DMRT2: variants seen among roughly 807,000 people sequenced by gnomAD.
DMRT2 encodes the protein doublesex and mab-3 related transcription factor 2.
Under a neutral mutation model 43.5 loss-of-function variants are expected in DMRT2, and 33 were observed. That is an observed-to-expected ratio of 0.76 (90% CI 0.58 to 1.01). The LOEUF is 1.01. Ranked by LOEUF, DMRT2 falls within the 50% of genes least tolerant of loss-of-function variation. The probability of loss-of-function intolerance (pLI) is 0.00; values close to 1 mark genes in which losing one functional copy is unlikely to be tolerated. For missense variants in DMRT2, 1,064 were observed against 748.0 expected (o/e 1.42, Z -4.93); for synonymous variants, 395 against 309.2 (o/e 1.28, Z -2.91).
At position 1,051,901 on chromosome 9, in the gene DMRT2, C is replaced by T. The variant is rs886670050; in HGVS notation, c.288C>T (p.Pro96=). Residue 96 remains proline (P), a synonymous_variant, in exon 2 of 4, where the codon CCC becomes CCT. Coordinates refer to ENST00000358146, the MANE Select transcript of DMRT2 (RefSeq NM_181872.6). This position sits in a 1 kb window ranked among gnomAD's most constrained non-coding sequence, Gnocchi z 5.9. ...CGCCGCTCGCGCCTCAGGCCTCACC[C>T]GCCGGCACCGGTCCCCGAGAGCGCT... ...PRPPLAPQAS[P]AGTGPRERCT... is the part of the protein sequence containing the mutation. 7.3e-6 allele frequency: 10 copies of T among 1,362,902 alleles called. No homozygotes were observed. Among genetic ancestry groups the T allele is most frequent in the Non-Finnish European group, 9.4e-6 (10 of 1,068,400 alleles). The allele number at this position is 1,362,902 out of a possible 1,614,324, so 84.4% of individuals were successfully genotyped here. A position where few individuals can be genotyped will look rare whatever the true frequency, so the allele number is the denominator to read the frequency against.
chr9:1,055,979 A>G (rs778355444), intron 3 of DMRT2: 5 of 1,407,902 alleles, frequency 3.6e-6, no homozygotes, highest in South Asian at 1.8e-5. Context: ...AACAACCACA[A>G]CAAGCAACAA....
rs1821502416 is a variant in DMRT2 at position 1,050,644 on chromosome 9, A to G, written c.-176A>G. The stretch of plus-strand genomic sequence containing the variant: ...GTGGGTTCGTTCCGGGCCTCCAGCT[A>G]TCAGCTCCCGATCTCGTGTTTGAGG... On this transcript the variant is annotated 5_prime_UTR_variant, in exon 1 of 4. Coordinates refer to ENST00000358146, the MANE Select transcript of DMRT2 (RefSeq NM_181872.6). 1 of 152,498 alleles carries G rather than the reference A, an allele frequency of 6.6e-6. No individual in the cohort carries two copies. Among genetic ancestry groups the G allele is most frequent in the Admixed American group, 6.5e-5 (1 of 15,294 alleles). 9.4% of individuals were successfully genotyped at this position (152,498 alleles called of 1,614,324 possible).
chr9:1,054,976 G>T (rs1477378974), intron 3 of DMRT2, among the ~76,000 whole-genome samples: 1 of 152,144 alleles, frequency 6.6e-6, no homozygotes, highest in Admixed American at 6.6e-5. Flanking sequence ...GTTTGTGTGT[G>T]TCCTATCATG....
intron 3 of DMRT2, chr9:1,055,880 G>T: frequency 6.7e-7 from 1 of 1,503,302 alleles, no homozygotes; most frequent in Non-Finnish European, 8.8e-7. Flanking sequence ...AAATAGTCTT[G>T]TCTCTTAATG....
chr9:1,056,681 C>T lies in DMRT2; in HGVS notation c.1094C>T (p.Thr365Ile), dbSNP rs1822014165. ...LYQQCLLNATTSVQALKPGAS... is the reference protein window; with the variant it reads ...LYQQCLLNATISVQALKPGAS... ...CAGCAATGCCTGCTAAATGCCACCA[C>T]CTCAGTTCAAGCCCTGAAGCCTGGG... is the stretch of plus-strand genomic sequence containing the variant. The change falls in exon 4 of 4, where the codon ACC becomes ATC. Residue 365 changes from threonine (T) to isoleucine (I), a missense_variant. By Grantham distance (89) the Thr-to-Ile change is moderately conservative. Transcript: ENST00000358146. 1 of 1,614,204 alleles carries T rather than the reference C, an allele frequency of 6.2e-7. No individual in the cohort carries two copies. The highest frequency in any genetic ancestry group is 8.5e-7 in the Non-Finnish European group (1 of 1,180,042).
intron 3 of DMRT2, chr9:1,055,600 A>G (rs1240048843): frequency 1.1e-6 from 1 of 905,518 alleles, no homozygotes; most frequent in Non-Finnish European, 1.5e-6. Context: ...TTCACTGTAG[A>G]GTGTGTTTGA....
In DMRT2 at chr9:1,051,712, GC is replaced by G. The variant is rs1234829240; in HGVS notation, c.105del (p.Ser38AlafsTer80). On this transcript the variant is annotated frameshift_variant, in exon 2 of 4. Coordinates refer to ENST00000358146, the MANE Select transcript of DMRT2 (RefSeq NM_181872.6). LOFTEE classifies it high-confidence loss of function. This position sits in a 1 kb window ranked among gnomAD's most constrained non-coding sequence, Gnocchi z 5.9. ...ACGTCTGCGGGGCGCCGCGGTCCAC[GC>G]CCCCCGGGCCCAGCCCGCCGCCGGC... ...EDVCGAPRST[P>X]PGPSPPPADG... 9.7e-6 allele frequency: 15 copies of G among 1,542,112 alleles called. No individual in the cohort carries two copies. The highest frequency in any genetic ancestry group is 2.5e-5 in the East Asian group (1 of 40,008).
chr9:1,052,048 C>T lies in DMRT2; in HGVS notation c.435C>T (p.Arg145=), dbSNP rs1037914010. 6.8e-7 allele frequency: 1 copy of T among 1,472,078 alleles called. No individual in the cohort carries two copies. Among genetic ancestry groups the T allele is most frequent in the Non-Finnish European group, 8.9e-7 (1 of 1,118,104 alleles). The allele number at this position is 1,472,078 out of a possible 1,614,324, so 91.2% of individuals were successfully genotyped here. A position where few individuals can be genotyped will look rare whatever the true frequency, so the allele number is the denominator to read the frequency against. Residue 145 remains arginine, a synonymous_variant, in exon 2 of 4, where the codon CGC becomes CGT. Transcript: ENST00000358146. ...GCCACAAGCGCTTCTGTCGCTGGCGCGACTGCCAGTGCGCCAACTGCCTGC... is the reference window on the plus strand; with the variant it reads ...GCCACAAGCGCTTCTGTCGCTGGCGTGACTGCCAGTGCGCCAACTGCCTGC... ...LKGHKRFCRW[R]DCQCANCLLV...
At position 1,051,510 on chromosome 9, in the gene DMRT2, G is replaced by A; in HGVS notation, c.-44-60G>A. 7.1e-7 allele frequency: 1 copy of A among 1,410,384 alleles called. No homozygotes were observed. The allele number at this position is 1,410,384 out of a possible 1,614,324, so 87.4% of individuals were successfully genotyped here. ...GCAGACCAGGAGCTTTGGGCCGGAG[G>A]CTCAGGGATGGTCCCTGACGGCGGC... On this transcript the variant is annotated intron_variant, in intron 1 of 3. Transcript: ENST00000358146. The surrounding 1 kb of genome is among the most constrained non-coding windows in gnomAD (Gnocchi z 5.9).
Position 1,057,061 on chromosome 9 carries a change from G to C in DMRT2, c.1474G>C (p.Val492Leu). ...KSGPELKTPF[V>L]KEAFEETPKK... ...GGGTCCTGAGTTGAAAACACCATTTGTCAAAGAGGCCTTTGAAGAGACCCC... is the reference window on the plus strand; with the variant it reads ...GGGTCCTGAGTTGAAAACACCATTTCTCAAAGAGGCCTTTGAAGAGACCCC... Residue 492 changes from valine to leucine, a missense_variant, in exon 4 of 4, where the codon GTC becomes CTC. By Grantham distance (32) the Val-to-Leu change is conservative. Coordinates refer to ENST00000358146, the MANE Select transcript of DMRT2 (RefSeq NM_181872.6). 1.2e-6 allele frequency: 2 copies of C among 1,614,172 alleles called. No homozygotes were observed. The highest frequency in any genetic ancestry group is 2.2e-5 in the South Asian group (2 of 91,082).
intron 3 of DMRT2, chr9:1,055,998 A>C: frequency 2.1e-6 from 3 of 1,415,368 alleles, no homozygotes; most frequent in Non-Finnish European, 2.7e-6. Flanking sequence ...AAGAACAAGA[A>C]CAACAACAAG....
chr9:1,056,151 T>G, intron 3 of DMRT2, 65 bp from the exon 4 acceptor site: 2 of 1,534,258 alleles, frequency 1.3e-6, no homozygotes, highest in Non-Finnish European at 1.7e-6. Flanking sequence ...TGTTACCTTC[T>G]GGGTTTCCAC....
intron 2 of DMRT2, 60 bp downstream of exon 2, chr9:1,052,198 G>T: frequency 7.8e-7 from 1 of 1,280,534 alleles, no homozygotes; most frequent in South Asian, 2.2e-5. Flanking sequence ...AGTTGGAGGG[G>T]AGCGGGGCGG....
chr9:1,052,061 G>C lies in DMRT2; in HGVS notation c.448G>C (p.Ala150Pro). The change falls in exon 2 of 4, where the codon GCC (alanine) becomes CCC (proline). Residue 150 changes from alanine to proline, a missense_variant. By Grantham distance (27) the Ala-to-Pro change is conservative. Coordinates refer to ENST00000358146, the MANE Select transcript of DMRT2 (RefSeq NM_181872.6). Reference protein sequence around the residue: ...RFCRWRDCQCANCLLVVERQR... With the variant: ...RFCRWRDCQCPNCLLVVERQR... Reference sequence around the variant, plus strand: ...CTGTCGCTGGCGCGACTGCCAGTGCGCCAACTGCCTGCTGGTGGTGGAGCG... The same window carrying C: ...CTGTCGCTGGCGCGACTGCCAGTGCCCCAACTGCCTGCTGGTGGTGGAGCG... 1 of 1,468,948 alleles carries C rather than the reference G, an allele frequency of 6.8e-7. No individual in the cohort carries two copies. Among genetic ancestry groups the C allele is most frequent in the South Asian group, 1.3e-5 (1 of 77,306 alleles). The allele number at this position is 1,468,948 out of a possible 1,614,324, so 91.0% of individuals were successfully genotyped here. A position where few individuals can be genotyped will look rare whatever the true frequency, so the allele number is the denominator to read the frequency against.
At chr9:1,055,827 A>G in intron 3 of DMRT2, 1 of 1,519,842 alleles carries the variant, frequency 6.6e-7, no homozygotes, top group South Asian at 1.3e-5. Flanking sequence ...AATAATGAAA[A>G]AAGATGACAT....
chr9:1,057,389 G>C lies in DMRT2; in HGVS notation c.*116G>C. On this transcript the variant is annotated 3_prime_UTR_variant, in exon 4 of 4. Transcript: ENST00000358146. ...AAGAAATTTCTAATGTAAAGATGAT[G>C]ATTTTGAAAAATTTTATATATTCCT... The C allele has an allele frequency of 1.6e-6, 2 of 1,222,644 alleles. No homozygotes were observed. The highest frequency in any genetic ancestry group is 2.5e-5 in the East Asian group (1 of 39,518). The allele number at this position is 1,222,644 out of a possible 1,614,324, so 75.7% of individuals were successfully genotyped here.
Position 1,056,798 on chromosome 9 carries a change from T to C in DMRT2, c.1211T>C (p.Leu404Pro). 1.9e-6 allele frequency: 3 copies of C among 1,614,156 alleles called. No individual in the cohort carries two copies. The highest frequency in any genetic ancestry group is 2.5e-6 in the Non-Finnish European group (3 of 1,180,034). ...TCGAAATTGGAAGGTTCCCTGGTGC[T>C]GCCTCACACTCCTGAGATCCAGACC... ...MPSKLEGSLV[L>P]PHTPEIQTTR... The change falls in exon 4 of 4, where the codon CTG becomes CCG. Residue 404 changes from leucine (L) to proline (P), a missense_variant. Transcript: ENST00000358146.
At position 1,054,800 on chromosome 9, in the gene DMRT2, T is replaced by A. The variant is rs1292986367; in HGVS notation, c.628+976T>A. 6.6e-5 allele frequency: 10 copies of A among 152,350 alleles called. No homozygotes were observed. In the East Asian group the frequency reaches 1.7e-3, roughly 26 times the overall value. 9.4% of individuals were successfully genotyped at this position (152,350 alleles called of 1,614,324 possible). A position where few individuals can be genotyped will look rare whatever the true frequency, so the allele number is the denominator to read the frequency against. Reference sequence around the variant, plus strand: ...AATTCAGGTTGAAAGTAAACAAAAATTTTTAAGTAGACATTTGGATTCTGT... The same window carrying A: ...AATTCAGGTTGAAAGTAAACAAAAAATTTTAAGTAGACATTTGGATTCTGT... On this transcript the variant is annotated intron_variant, in intron 3 of 3. Transcript: ENST00000358146.
chr9:1,053,592 A>T, intron 2 of DMRT2, 130 bp from the exon 3 acceptor site: 1 of 832,018 alleles, frequency 1.2e-6, no homozygotes, highest in South Asian at 1.8e-5. Flanking sequence ...TATTTTTCAC[A>T]CGGAATGGGA....
Sources: allele counts gnomAD v4.1 joint callset (sites outside exome capture counted in the v4.1 genomes callset), GRCh38; gene constraint gnomAD v4.1.1; non-coding constraint Gnocchi (gnomAD v3.1); transcripts MANE v1.5; gene names NCBI Gene and HGNC (gene_info 2026-07-23, HGNC 2026-07-21).